The following HMGCLL1 variants were observed in gnomAD, a reference collection of about 807,000 sequenced individuals.
The protein encoded by HMGCLL1 is 3-hydroxymethyl-3-methylglutaryl-CoA lyase, cytoplasmic.
In HMGCLL1, 36 loss-of-function variants were observed where a neutral mutation model predicts 39.1. The ratio of observed to expected loss-of-function variants is 0.92; its 90% confidence interval spans 0.71 to 1.22. HMGCLL1 has a LOEUF of 1.22. Among genes scored for constraint, HMGCLL1 ranks in the 50% most tolerant of loss-of-function variants. The pLI is 0.00. For missense variants in HMGCLL1, 451 were observed against 416.5 expected, an observed-to-expected ratio of 1.08 and a Z score of -0.72; for synonymous variants, 149 against 144.0, an observed-to-expected ratio of 1.03 and a Z score of -0.25.
At chr6:55,445,658 ATG>A (rs1358425496) in intron 7 of HMGCLL1, among the ~76,000 whole-genome samples, 3 of 74,758 alleles carry the variant, frequency 4.0e-5, no homozygotes, top group African/African-American at 7.2e-5. Context: ...GTGTGCATGC[ATG>A]TGTGTGTGTG....
chr6:55,439,312 T>C, intron 8 of HMGCLL1, 122 bp downstream of exon 8: 3 of 959,474 alleles, frequency 3.1e-6, no homozygotes. Context: ...CACTGTGCAT[T>C]TTAGCAAATA....
intron 7 of HMGCLL1, among the ~76,000 whole-genome samples, chr6:55,477,553 G>T (rs1465472606): frequency 8.1e-6 from 1 of 123,344 alleles, no homozygotes; most frequent in East Asian, 2.2e-4. Context: ...ATAAATGATG[G>T]ACCAAAAAAA....
At chr6:55,571,423 T>C (rs1771486746) in intron 1 of HMGCLL1, among the ~76,000 whole-genome samples, 1 of 152,174 alleles carries the variant, frequency 6.6e-6, no homozygotes. Context: ...AAAATAAGAA[T>C]GCTGAAAAGG....
chr6:55,544,791 AG>A (rs1769865038), intron 1 of HMGCLL1, among the ~76,000 whole-genome samples: 1 of 152,114 alleles, frequency 6.6e-6, no homozygotes. Context: ...CAATTCAATA[AG>A]CAAAAAAAGC....
chr6:55,475,050 G>A (rs1339063126), intron 7 of HMGCLL1, among the ~76,000 whole-genome samples: 11 of 151,598 alleles, frequency 7.3e-5, no homozygotes, highest in East Asian at 1.9e-4. Flanking sequence ...GGGCCTGTGG[G>A]TTTTAAATGT....
chr6:55,670,209 G>A, the HMGCLL1 span, among the ~76,000 whole-genome samples: 36 of 151,628 alleles, frequency 2.4e-4, no homozygotes, highest in Admixed American at 2.2e-3. Context: ...TTTTTCTTCA[G>A]CCTGGAAAGA....
At chr6:55,662,735 T>G in the HMGCLL1 span, among the ~76,000 whole-genome samples, 1 of 151,840 alleles carries the variant, frequency 6.6e-6, no homozygotes, top group East Asian at 1.9e-4. Context: ...CAGTTTTTTT[T>G]GCAATAGTTT....
chr6:55,562,854 A>G (rs1013539257), intron 1 of HMGCLL1, among the ~76,000 whole-genome samples: 57 of 151,858 alleles, frequency 3.8e-4, no homozygotes, highest in African/African-American at 1.4e-3. Context: ...TCATACACAA[A>G]TGTCCTCAAT....
chr6:55,447,403 A>G (rs1763901433), intron 7 of HMGCLL1, among the ~76,000 whole-genome samples: 1 of 152,080 alleles, frequency 6.6e-6, no homozygotes, highest in Non-Finnish European at 1.5e-5. Context: ...AGAGAGAGCT[A>G]TGTTGAGGAA....
intron 1 of HMGCLL1, among the ~76,000 whole-genome samples, chr6:55,556,227 A>G (rs1190573826): frequency 6.6e-6 from 1 of 152,196 alleles, no homozygotes; most frequent in East Asian, 1.9e-4. Context: ...TAAAATATAT[A>G]GTATAAGTGT....
chr6:55,610,574 G>C, the HMGCLL1 span, among the ~76,000 whole-genome samples: 1 of 152,132 alleles, frequency 6.6e-6, no homozygotes, highest in Non-Finnish European at 1.5e-5. Context: ...GCACTTGAAA[G>C]AGATGAGGAG....
intron 7 of HMGCLL1, among the ~76,000 whole-genome samples, chr6:55,453,525 G>C (rs1484651454): frequency 6.6e-6 from 1 of 152,148 alleles, no homozygotes; most frequent in Non-Finnish European, 1.5e-5. Flanking sequence ...CATAGCTCCT[G>C]ATCATGGGAA....
chr6:55,677,914 G>T, the HMGCLL1 span, among the ~76,000 whole-genome samples: 1 of 152,088 alleles, frequency 6.6e-6, no homozygotes, highest in African/African-American at 2.4e-5. Flanking sequence ...TATCTGTAAC[G>T]TGTAAGAACT....
intron 7 of HMGCLL1, among the ~76,000 whole-genome samples, chr6:55,492,125 T>C (rs1452031296): frequency 6.6e-6 from 1 of 152,122 alleles, no homozygotes. Flanking sequence ...CTGTAAACTG[T>C]TTCTGCACCC....
the HMGCLL1 span, among the ~76,000 whole-genome samples, chr6:55,588,413 A>G: frequency 6.6e-6 from 1 of 152,128 alleles, no homozygotes; most frequent in Non-Finnish European, 1.5e-5. Flanking sequence ...CAGTGTATAG[A>G]GGGAAACTTA....
chr6:55,580,023 C>T (rs751838224), upstream of HMGCLL1, among the ~76,000 whole-genome samples: 4 of 152,134 alleles, frequency 2.6e-5, no homozygotes, highest in Non-Finnish European at 5.9e-5. Context: ...AGAATAGTCT[C>T]GTGCAGGATA....
chr6:55,633,539 A>G, the HMGCLL1 span, among the ~76,000 whole-genome samples: 1 of 152,002 alleles, frequency 6.6e-6, no homozygotes, highest in East Asian at 1.9e-4. Context: ...ATAAGGTCAG[A>G]AAAAAATTTT....
intron 1 of HMGCLL1, among the ~76,000 whole-genome samples, chr6:55,559,076 C>T (rs563877760): frequency 6.6e-6 from 1 of 152,144 alleles, no homozygotes; most frequent in East Asian, 1.9e-4. Context: ...TTAATGAAAC[C>T]ATCACCCTAA....
At chr6:55,553,683 T>C (rs894093790) in intron 1 of HMGCLL1, among the ~76,000 whole-genome samples, 3 of 152,198 alleles carry the variant, frequency 2.0e-5, no homozygotes, top group African/African-American at 7.2e-5. Flanking sequence ...CATCAATGTT[T>C]GTTGCTTCCC....
Sources: gnomAD v4.1 joint callset for allele counts (sites outside exome capture counted in the v4.1 genomes callset) on GRCh38, gnomAD v4.1.1 for gene constraint, MANE v1.5 for transcripts, NCBI Gene and HGNC (gene_info 2026-07-23, HGNC 2026-07-21) for gene names.